Variants in BMAL1 observed in about 807,000 individuals in gnomAD.
BMAL1 encodes basic helix-loop-helix ARNT like 1.
the BMAL1 span, among the ~76,000 whole-genome samples, chr11:13,317,741 C>T: frequency 6.6e-6 from 1 of 152,216 alleles, no homozygotes; most frequent in African/African-American, 2.4e-5. Flanking sequence ...TTAATAGCAA[C>T]TACTTGACTG....
At chr11:13,283,267 A>G in the BMAL1 span, among the ~76,000 whole-genome samples, 2 of 152,208 alleles carry the variant, frequency 1.3e-5, no homozygotes, top group East Asian at 3.8e-4. Context: ...GCTTGTATTT[A>G]TTCCTTCAAT....
chr11:13,327,429 TTG>T, the BMAL1 span, among the ~76,000 whole-genome samples: 1 of 151,944 alleles, frequency 6.6e-6, no homozygotes, highest in Non-Finnish European at 1.5e-5. Flanking sequence ...GCTCCAAAGA[TTG>T]TGTTTTTTTC....
chr11:13,324,227 G>A, the BMAL1 span, among the ~76,000 whole-genome samples: 2 of 152,174 alleles, frequency 1.3e-5, no homozygotes, highest in Admixed American at 1.3e-4. Flanking sequence ...AAGCAAATTT[G>A]TGTCATTTCC....
chr11:13,327,055 C>T, the BMAL1 span, among the ~76,000 whole-genome samples: 5 of 151,868 alleles, frequency 3.3e-5, no homozygotes, highest in Admixed American at 6.5e-5. Flanking sequence ...CTCCTGACCT[C>T]GTGATCCACC....
At chr11:13,312,287 G>A in the BMAL1 span, among the ~76,000 whole-genome samples, 1 of 152,150 alleles carries the variant, frequency 6.6e-6, no homozygotes, top group Non-Finnish European at 1.5e-5. Flanking sequence ...GGTTACAAGG[G>A]ATTTGAACCC....
At chr11:13,358,360 T>C in the BMAL1 span, 1 of 1,411,820 alleles carries the variant, frequency 7.1e-7, no homozygotes, top group Non-Finnish European at 9.4e-7. Context: ...CAGTTACAAC[T>C]CATTTATTTT....
the BMAL1 span, chr11:13,381,235 C>T: frequency 1.2e-6 from 2 of 1,614,110 alleles, no homozygotes; most frequent in South Asian, 1.1e-5. Flanking sequence ...CCTGATGCCT[C>T]TTCTCCAGGA....
the BMAL1 span, among the ~76,000 whole-genome samples, chr11:13,323,751 G>A: frequency 6.6e-6 from 1 of 152,104 alleles, no homozygotes; most frequent in South Asian, 2.1e-4. Context: ...CGAGTAGCTG[G>A]GATTACAGTC....
the BMAL1 span, chr11:13,354,274 C>T: frequency 7.0e-7 from 1 of 1,433,776 alleles, no homozygotes; most frequent in Non-Finnish European, 9.3e-7. Flanking sequence ...AATAAACACA[C>T]CTTTGTGCCT....
chr11:13,343,962 G>A, the BMAL1 span, among the ~76,000 whole-genome samples: 5 of 152,050 alleles, frequency 3.3e-5, no homozygotes, highest in Admixed American at 2.6e-4. Flanking sequence ...GTTTAATTTG[G>A]GGATCCACAA....
the BMAL1 span, among the ~76,000 whole-genome samples, chr11:13,339,195 A>G: frequency 6.6e-6 from 1 of 152,216 alleles, no homozygotes; most frequent in East Asian, 1.9e-4. Context: ...TTTAGAGCAT[A>G]CCAAGAATCA....
the BMAL1 span, among the ~76,000 whole-genome samples, chr11:13,297,461 G>A: frequency 6.6e-6 from 1 of 152,244 alleles, no homozygotes; most frequent in African/African-American, 2.4e-5. Context: ...CGGCAGTGAG[G>A]AGGACAAGAG....
At chr11:13,376,361 G>A in the BMAL1 span, among the ~76,000 whole-genome samples, 1 of 152,236 alleles carries the variant, frequency 6.6e-6, no homozygotes, top group African/African-American at 2.4e-5. Context: ...GCTGGCAGGA[G>A]GAGGTGCTGT....
chr11:13,277,067 A>G, the BMAL1 span: 4 of 152,280 alleles, frequency 2.6e-5, no homozygotes, highest in South Asian at 8.3e-4. Context: ...GATGAACGCA[A>G]AGAACGTGAG....
the BMAL1 span, among the ~76,000 whole-genome samples, chr11:13,326,794 C>G: frequency 1.3e-5 from 2 of 151,084 alleles, no homozygotes; most frequent in African/African-American, 4.9e-5. Flanking sequence ...ATGAAATGAC[C>G]AGACATAGTG....
the BMAL1 span, chr11:13,354,455 C>A: frequency 6.2e-7 from 1 of 1,612,980 alleles, no homozygotes; most frequent in Non-Finnish European, 8.5e-7. Flanking sequence ...ACCAGTAAGG[C>A]CTTTGGGGCA....
the BMAL1 span, among the ~76,000 whole-genome samples, chr11:13,369,451 C>G: frequency 1.3e-4 from 20 of 152,304 alleles, no homozygotes; most frequent in South Asian, 2.7e-3. Context: ...TGACAACACA[C>G]CTGTCCATGC....
the BMAL1 span, among the ~76,000 whole-genome samples, chr11:13,325,001 G>A: frequency 2.0e-5 from 3 of 152,224 alleles, no homozygotes; most frequent in Admixed American, 6.5e-5. Flanking sequence ...GCTGAGTGTT[G>A]TGCTAGAGCT....
At chr11:13,356,385 G>C in the BMAL1 span, 1 of 515,706 alleles carries the variant, frequency 1.9e-6, no homozygotes, top group Non-Finnish European at 3.7e-6. Flanking sequence ...TGGGGGGGGA[G>C]AATGAGAGGT....
Sources: gnomAD v4.1 joint callset for allele counts (sites outside exome capture counted in the v4.1 genomes callset) on GRCh38, gnomAD v4.1.1 for gene constraint, MANE v1.5 for transcripts, NCBI Gene and HGNC (gene_info 2026-07-23, HGNC 2026-07-21) for gene names.